Variants in CEP112 observed in about 807,000 individuals in gnomAD.
CEP112 encodes centrosomal protein 112.
A neutral mutation model predicts 153.0 loss-of-function variants in CEP112; 127 were observed. The observed-to-expected ratio is 0.83, with a 90% CI of 0.72 to 0.96. CEP112 has a LOEUF of 0.96. Among genes scored for constraint, CEP112 ranks in the 40% least tolerant of loss-of-function variants. The pLI is 0.00. For missense variants in CEP112, 1,089 were observed against 1,101.2 expected (o/e 0.99, Z 0.16); for synonymous variants, 358 against 374.4 (o/e 0.96, Z 0.51).
At chr17:65,723,641 T>C (rs889222199) in intron 23 of CEP112, among the ~76,000 whole-genome samples, 1 of 152,296 alleles carries the variant, frequency 6.6e-6, no homozygotes, top group South Asian at 2.1e-4. Flanking sequence ...AAAATAATGC[T>C]TGTCTCTAAG....
chr17:65,905,194 A>C (rs2060023235), intron 19 of CEP112, among the ~76,000 whole-genome samples: 1 of 152,232 alleles, frequency 6.6e-6, no homozygotes, highest in Non-Finnish European at 1.5e-5. Context: ...AAATTTTTGC[A>C]ATCTATCTAT....
intron 18 of CEP112, among the ~76,000 whole-genome samples, chr17:65,944,088 C>G (rs917782793): frequency 1.3e-5 from 2 of 152,152 alleles, no homozygotes; most frequent in Non-Finnish European, 2.9e-5. Flanking sequence ...AGCCATTATC[C>G]TCAGCAAACT....
chr17:66,039,061 G>A (rs1267843754), intron 12 of CEP112, among the ~76,000 whole-genome samples: 4 of 152,180 alleles, frequency 2.6e-5, no homozygotes, highest in African/African-American at 9.7e-5. Flanking sequence ...GAGATGAAAA[G>A]TGGGAAAAAC....
chr17:66,015,622 T>C (rs1225054024), intron 16 of CEP112, among the ~76,000 whole-genome samples: 1 of 152,206 alleles, frequency 6.6e-6, no homozygotes, highest in Non-Finnish European at 1.5e-5. Flanking sequence ...TTTTATGACA[T>C]TTAGGTTTGC....
chr17:65,793,497 G>A (rs1301142798), intron 21 of CEP112, among the ~76,000 whole-genome samples: 1 of 152,118 alleles, frequency 6.6e-6, no homozygotes, highest in Non-Finnish European at 1.5e-5. Flanking sequence ...GAACTTAAAA[G>A]TTGGAAAAAA....
chr17:65,654,847 G>C (rs1371724199), intron 24 of CEP112: 4 of 427,874 alleles, frequency 9.3e-6, no homozygotes, highest in Non-Finnish European at 1.3e-5. Flanking sequence ...ATGAATCAAA[G>C]ACTTAAATTC....
At chr17:65,680,120 G>A (rs1007566031) in intron 24 of CEP112, among the ~76,000 whole-genome samples, 4 of 152,138 alleles carry the variant, frequency 2.6e-5, no homozygotes, top group African/African-American at 9.7e-5. Context: ...AGAAAGGTGG[G>A]TGCCACGGGC....
intron 21 of CEP112, among the ~76,000 whole-genome samples, chr17:65,757,113 AT>A (rs1265868049): frequency 6.6e-6 from 1 of 152,178 alleles, no homozygotes; most frequent in Non-Finnish European, 1.5e-5. Context: ...AACAGCAAGA[AT>A]GTAGCAAGAG....
intron 21 of CEP112, among the ~76,000 whole-genome samples, chr17:65,846,658 T>TC (rs2057735889): frequency 6.6e-6 from 1 of 152,214 alleles, no homozygotes; most frequent in African/African-American, 2.4e-5. Flanking sequence ...AAGCTCCGCC[T>TC]CCCGGGTTCA....
intron 6 of CEP112, among the ~76,000 whole-genome samples, chr17:66,098,602 G>A (rs530070135): frequency 3.9e-5 from 6 of 152,266 alleles, no homozygotes; most frequent in Admixed American, 6.5e-5. Flanking sequence ...TATAGCAATA[G>A]ACAGGATATA....
chr17:65,844,762 T>G lies in CEP112; in HGVS notation c.2394+7042A>C, dbSNP rs113809003. On this transcript the variant is annotated intron_variant, in intron 21 of 26. Transcript: ENST00000535342. ...TGGGCGTGGTGGCTCACGCCTGTAA[T>G]CACAGCACTTTGGGAGGTCGAGGTG... is the stretch of plus-strand genomic sequence containing the variant. Among the ~76,000 whole-genome samples, 1,260 of 151,060 alleles carry G rather than the reference T, an allele frequency of 8.3e-3. 18 individuals carry two copies. Among genetic ancestry groups the G allele is most frequent in the African/African-American group, 0.029 (1,188 of 41,082 alleles).
chr17:66,073,662 C>T (rs1180239556), intron 8 of CEP112, among the ~76,000 whole-genome samples: 1 of 152,184 alleles, frequency 6.6e-6, no homozygotes, highest in Non-Finnish European at 1.5e-5. Flanking sequence ...TCTAAACCTA[C>T]CTACAAGGAC....
At chr17:65,826,192 T>C in intron 21 of CEP112, 1 of 1,614,226 alleles carries the variant, frequency 6.2e-7, no homozygotes, top group African/African-American at 1.3e-5. Context: ...TCAAACTTCC[T>C]GCCTGCTCTG....
At chr17:65,688,895 G>A (rs1326771634) in intron 24 of CEP112, 3 of 341,756 alleles carry the variant, frequency 8.8e-6, no homozygotes, top group Non-Finnish European at 1.1e-5. Context: ...AGCCTCCCAA[G>A]TAACTGGGAT....
At chr17:65,808,190 C>T (rs934117187) in intron 21 of CEP112, among the ~76,000 whole-genome samples, 4 of 152,210 alleles carry the variant, frequency 2.6e-5, no homozygotes, top group East Asian at 1.9e-4. Flanking sequence ...TTTGGACTTG[C>T]GTGGGTCCTC....
At chr17:65,659,193 T>C (rs2046222501) in intron 24 of CEP112, among the ~76,000 whole-genome samples, 1 of 152,116 alleles carries the variant, frequency 6.6e-6, no homozygotes, top group South Asian at 2.1e-4. Flanking sequence ...GATAAACATA[T>C]AGTTTCCTAT....
At chr17:66,119,593 T>C (rs1266651717) in intron 6 of CEP112, among the ~76,000 whole-genome samples, 1 of 152,230 alleles carries the variant, frequency 6.6e-6, no homozygotes, top group African/African-American at 2.4e-5. Flanking sequence ...TTCTATTGTA[T>C]AGATGTACAT....
At chr17:65,794,666 T>A (rs2054797249) in intron 21 of CEP112, among the ~76,000 whole-genome samples, 2 of 152,224 alleles carry the variant, frequency 1.3e-5, no homozygotes, top group African/African-American at 2.4e-5. Context: ...CTCCTTCGAA[T>A]GTACCTTTCC....
At chr17:65,826,543 T>C (rs750438666) in intron 21 of CEP112, 5 of 1,336,952 alleles carry the variant, frequency 3.7e-6, no homozygotes, top group Non-Finnish European at 4.8e-6. Flanking sequence ...TGTCAGCTAA[T>C]GTGATGCCAG....
Sources: gnomAD v4.1 joint callset for allele counts (sites outside exome capture counted in the v4.1 genomes callset) on GRCh38, gnomAD v4.1.1 for gene constraint, MANE v1.5 for transcripts, NCBI Gene and HGNC (gene_info 2026-07-23, HGNC 2026-07-21) for gene names.